The following SLC26A8 variants were observed in gnomAD, a reference collection of about 807,000 sequenced individuals.
SLC26A8 encodes solute carrier family 26 member 8.
SLC26A8 carries 70 observed loss-of-function variants against 105.0 expected under a neutral mutation model. That is an observed-to-expected ratio of 0.67 (90% CI 0.55 to 0.81). SLC26A8 has a LOEUF of 0.81. Ranked by LOEUF, SLC26A8 falls within the 40% of genes least tolerant of loss-of-function variation. The pLI is 0.00. For synonymous variants in SLC26A8, 415 were observed against 438.3 expected (o/e 0.95, Z 0.66); for missense variants, 998 against 1,181.8 (o/e 0.84, Z 2.28).
chr6:35,976,699 C>A (rs192449175), intron 9 of SLC26A8, among the ~76,000 whole-genome samples: 175 of 151,844 alleles, frequency 1.2e-3, no homozygotes, highest in Middle Eastern at 3.4e-3. Flanking sequence ...CGCCACCATG[C>A]CCGGCTAATT....
intron 6 of SLC26A8, 86 bp downstream of exon 6, chr6:35,992,424 C>A: frequency 7.3e-7 from 1 of 1,378,298 alleles, no homozygotes; most frequent in Non-Finnish European, 9.9e-7. Context: ...TCAGAAGGGG[C>A]GGGAGTCTCC....
chr6:35,962,741 T>C, intron 11 of SLC26A8, 120 bp from the exon 12 acceptor site: 1 of 771,986 alleles, frequency 1.3e-6, no homozygotes, highest in Non-Finnish European at 2.2e-6. Context: ...ATTGATATTT[T>C]ATATGAATAC....
intron 7 of SLC26A8, among the ~76,000 whole-genome samples, chr6:35,990,778 A>G (rs938411480): frequency 1.2e-4 from 18 of 152,210 alleles, no homozygotes. Flanking sequence ...TGAAAATACT[A>G]AAGTATCAAT....
intron 11 of SLC26A8, among the ~76,000 whole-genome samples, chr6:35,963,173 G>T (rs137932243): frequency 6.5e-4 from 99 of 152,168 alleles, no homozygotes; most frequent in African/African-American, 2.1e-3. Context: ...AGCAGGCCCC[G>T]GAGACAAAAA....
intron 7 of SLC26A8, among the ~76,000 whole-genome samples, chr6:35,986,980 A>G (rs1773547890): frequency 6.6e-6 from 1 of 152,190 alleles, no homozygotes; most frequent in Non-Finnish European, 1.5e-5. Context: ...CTTTAGATAT[A>G]TACCCAATAG....
At chr6:36,015,813 C>T (rs1373540913) in intron 2 of SLC26A8, among the ~76,000 whole-genome samples, 1 of 114,662 alleles carries the variant, frequency 8.7e-6, no homozygotes, top group Non-Finnish European at 1.8e-5. Context: ...AAGGAGAGGA[C>T]AGTCTGGAGC....
intron 11 of SLC26A8, among the ~76,000 whole-genome samples, chr6:35,964,207 C>T (rs1267756247): frequency 6.6e-6 from 1 of 152,126 alleles, no homozygotes; most frequent in Non-Finnish European, 1.5e-5. Flanking sequence ...GACCCTGTCT[C>T]ACAAAAATAA....
intron 5 of SLC26A8, among the ~76,000 whole-genome samples, chr6:35,996,588 C>T (rs1761357129): frequency 6.6e-6 from 1 of 151,968 alleles, no homozygotes; most frequent in Admixed American, 6.6e-5. Context: ...GCTGTGCCAC[C>T]CAGGCTGGAG....
Position 35,992,590 on chromosome 6 carries a change from G to T in SLC26A8, c.712C>A (p.Leu238Ile). 1 of 1,614,156 alleles carries T rather than the reference G, an allele frequency of 6.2e-7. No homozygotes were observed. The highest frequency in any genetic ancestry group is 8.5e-7 in the Non-Finnish European group (1 of 1,180,020). ...GTCAGCTGGGACAGCATGATATGAA[G>T]TGCCACAGCAGCCAGGTAAGCACTC... ...AMSAYLAAVALHIMLSQLTFI... is the reference protein window; with the variant it reads ...AMSAYLAAVAIHIMLSQLTFI... Residue 238 changes from leucine (L) to isoleucine (I), a missense_variant, in exon 6 of 20, where the codon CTT becomes ATT. Coordinates refer to ENST00000490799, the MANE Select transcript of SLC26A8 (RefSeq NM_052961.4).
intron 3 of SLC26A8, among the ~76,000 whole-genome samples, 162 bp from the exon 4 acceptor site, chr6:36,000,270 ATCT>A (rs1761483335): frequency 6.6e-6 from 1 of 152,186 alleles, no homozygotes; most frequent in Non-Finnish European, 1.5e-5. Context: ...ACTTTTTATT[ATCT>A]TCTTTGATTC....
intron 12 of SLC26A8, among the ~76,000 whole-genome samples, chr6:35,961,931 T>C (rs536874872): frequency 6.6e-6 from 1 of 152,294 alleles, no homozygotes; most frequent in East Asian, 1.9e-4. Flanking sequence ...ATTAACTGGA[T>C]TAAAAGTCAT....
At chr6:36,010,438 G>C (rs1562070535) in intron 3 of SLC26A8, among the ~76,000 whole-genome samples, 1 of 151,952 alleles carries the variant, frequency 6.6e-6, no homozygotes, top group Non-Finnish European at 1.5e-5. Flanking sequence ...AGATTGGGGG[G>C]TATGTGGCTT....
chr6:36,001,175 C>G (rs1761509707), intron 3 of SLC26A8, among the ~76,000 whole-genome samples: 1 of 151,832 alleles, frequency 6.6e-6, no homozygotes, highest in Admixed American at 6.6e-5. Context: ...GTTGCCCAGG[C>G]TGGAGTGCAG....
At chr6:35,987,637 C>T (rs1016189840) in intron 7 of SLC26A8, among the ~76,000 whole-genome samples, 1 of 152,150 alleles carries the variant, frequency 6.6e-6, no homozygotes, top group Non-Finnish European at 1.5e-5. Flanking sequence ...TCCCAAAGTG[C>T]TGGGATTACA....
intron 10 of SLC26A8, among the ~76,000 whole-genome samples, chr6:35,973,596 T>G (rs1033779866): frequency 2.0e-5 from 3 of 152,102 alleles, no homozygotes; most frequent in African/African-American, 7.2e-5. Context: ...ATTAGTGCAT[T>G]TTATGTGTGG....
At chr6:36,020,562 T>C (rs1762104672) in intron 1 of SLC26A8, among the ~76,000 whole-genome samples, 1 of 152,090 alleles carries the variant, frequency 6.6e-6, no homozygotes, top group Non-Finnish European at 1.5e-5. Context: ...GAGGTTGCAG[T>C]GAGCTGGGAT....
chr6:35,961,112 G>C lies in SLC26A8; in HGVS notation c.1462-13C>G, dbSNP rs1772292048. 1 of 1,595,144 alleles carries C rather than the reference G, an allele frequency of 6.3e-7. No homozygotes were observed. The highest frequency in any genetic ancestry group is 1.7e-5 in the Admixed American group (1 of 59,632). ...TCATCCAAAGAGCCTTATGGAAAAG[G>C]GAATGAGGGGAAAATGATCATGAAA... On this transcript the variant is annotated splice_polypyrimidine_tract_variant and intron_variant, in intron 12 of 19. Coordinates refer to ENST00000490799, the MANE Select transcript of SLC26A8 (RefSeq NM_052961.4).
chr6:36,019,765 G>T, intron 1 of SLC26A8, 56 bp from the exon 2 acceptor site: 2 of 1,443,364 alleles, frequency 1.4e-6, no homozygotes, highest in South Asian at 1.5e-5. Context: ...CCAGATCCTC[G>T]GCATATTTTT....
At chr6:35,947,432 A>G (rs1016232116) in intron 19 of SLC26A8, among the ~76,000 whole-genome samples, 2 of 152,230 alleles carry the variant, frequency 1.3e-5, no homozygotes, top group East Asian at 3.8e-4. Context: ...AGTTAATGCA[A>G]TAATATATGA....
Sources: allele counts gnomAD v4.1 joint callset (sites outside exome capture counted in the v4.1 genomes callset), GRCh38; gene constraint gnomAD v4.1.1; transcripts MANE v1.5; gene names NCBI Gene and HGNC (gene_info 2026-07-23, HGNC 2026-07-21).